Variants in ANKS1B observed in about 807,000 individuals in gnomAD.
ANKS1B encodes the protein ankyrin repeat and sterile alpha motif domain containing 1B, also known as ankyrin repeat and sterile alpha motif domain-containing protein 1B.
In ANKS1B, 36 loss-of-function variants were observed where a neutral mutation model predicts 148.3. The ratio of observed to expected loss-of-function variants is 0.24; its 90% CI spans 0.19 to 0.32. The LOEUF (loss-of-function observed/expected upper bound fraction) is 0.32. Ranked by LOEUF, ANKS1B falls within the 10% of genes least tolerant of loss-of-function variation. The probability of loss-of-function intolerance (pLI) is 1.00; values close to 1 mark genes in which losing one functional copy is unlikely to be tolerated. For missense variants in ANKS1B, 1,157 were observed against 1,542.6 expected, an observed-to-expected ratio of 0.75 and a Z score of 4.19; for synonymous variants, 542 against 560.8, an observed-to-expected ratio of 0.97 and a Z score of 0.47.
At chr12:98,961,411 G>C (rs1172288637) in intron 17 of ANKS1B, among the ~76,000 whole-genome samples, 1 of 152,074 alleles carries the variant, frequency 6.6e-6, no homozygotes, top group African/African-American at 2.4e-5. Context: ...ATATGAAGGA[G>C]AAATAATAAC....
chr12:98,933,606 C>A (rs766692605), intron 17 of ANKS1B, among the ~76,000 whole-genome samples: 1 of 152,002 alleles, frequency 6.6e-6, no homozygotes, highest in African/African-American at 2.4e-5. Context: ...TACCATTTTA[C>A]GTTCCCACCA....
chr12:99,492,967 G>T (rs1479313491), intron 10 of ANKS1B, among the ~76,000 whole-genome samples: 2 of 152,132 alleles, frequency 1.3e-5, no homozygotes, highest in African/African-American at 4.8e-5. Flanking sequence ...CATTCCCCTT[G>T]AAAACTGGCA....
intron 17 of ANKS1B, among the ~76,000 whole-genome samples, chr12:98,864,582 G>A (rs886670657): frequency 2.6e-5 from 4 of 152,190 alleles, no homozygotes; most frequent in African/African-American, 4.8e-5. Flanking sequence ...CCTCCCGCAA[G>A]CAGGAGGGAA....
intron 3 of ANKS1B, among the ~76,000 whole-genome samples, chr12:99,811,352 C>T (rs1470579463): frequency 1.3e-5 from 2 of 151,682 alleles, no homozygotes; most frequent in East Asian, 1.9e-4. Flanking sequence ...AGCTTAATGC[C>T]GTGATTGTAA....
At chr12:99,801,664 AAG>A (rs1419795300) in intron 4 of ANKS1B, among the ~76,000 whole-genome samples, 2 of 152,182 alleles carry the variant, frequency 1.3e-5, no homozygotes, top group Non-Finnish European at 2.9e-5. Flanking sequence ...ATGTGAGATC[AAG>A]AGAGTTTTTA....
Position 99,984,291 on chromosome 12 carries a change from C to T in ANKS1B, c.-54G>A. On this transcript the variant is annotated 5_prime_UTR_variant, in exon 1 of 27. Transcript: ENST00000683438. ...CTTGCCCCCCTCGGGTCCTCCTCCC[C>T]ACCCACCCCCACTCCCCAAAATCCA... 5 of 1,507,134 alleles carry T rather than the reference C, an allele frequency of 3.3e-6. No homozygotes were observed. The highest frequency in any genetic ancestry group is 4.5e-6 in the Non-Finnish European group (5 of 1,117,200). 93.4% of individuals were successfully genotyped at this position (1,507,134 alleles called of 1,614,324 possible).
chr12:99,770,062 C>T (rs2063045715), intron 8 of ANKS1B, among the ~76,000 whole-genome samples: 2 of 152,180 alleles, frequency 1.3e-5, no homozygotes, highest in Non-Finnish European at 2.9e-5. Flanking sequence ...CACAAGGTAG[C>T]ATACTATGAG....
intron 15 of ANKS1B, among the ~76,000 whole-genome samples, chr12:99,110,774 C>CT (rs78859280): frequency 0.089 from 13,586 of 151,892 alleles, 1,496 homozygotes; most frequent in African/African-American, 0.26. Flanking sequence ...TGAATTTGTA[C>CT]TTTTTTTTGT....
intron 9 of ANKS1B, among the ~76,000 whole-genome samples, chr12:99,639,359 C>T (rs2098277997): frequency 6.6e-6 from 1 of 152,124 alleles, no homozygotes; most frequent in Non-Finnish European, 1.5e-5. Flanking sequence ...AAGAAACTTG[C>T]CTTGTCTCAG....
chr12:99,130,254 T>A (rs1373832761), intron 15 of ANKS1B, among the ~76,000 whole-genome samples: 1 of 152,212 alleles, frequency 6.6e-6, no homozygotes, highest in Non-Finnish European at 1.5e-5. Flanking sequence ...TTGTGAAACA[T>A]GAAAGATGAG....
intron 9 of ANKS1B, among the ~76,000 whole-genome samples, chr12:99,560,180 T>C (rs971170674): frequency 2.0e-5 from 3 of 148,246 alleles, no homozygotes; most frequent in Admixed American, 2.0e-4. Context: ...AATTGATCTC[T>C]AATTGACTGT....
At chr12:99,917,698 T>C (rs1161497916) in intron 1 of ANKS1B, among the ~76,000 whole-genome samples, 4 of 152,234 alleles carry the variant, frequency 2.6e-5, no homozygotes, top group African/African-American at 4.8e-5. Context: ...TCACCTTTTA[T>C]GGCCATTCTA....
intron 15 of ANKS1B, among the ~76,000 whole-genome samples, chr12:99,146,280 G>T (rs904687546): frequency 5.3e-5 from 8 of 152,066 alleles, no homozygotes; most frequent in Non-Finnish European, 1.0e-4. Context: ...ATAGATAAAA[G>T]AACTGTGATG....
intron 22 of ANKS1B, among the ~76,000 whole-genome samples, chr12:98,791,297 ATTGGGCCACTGCACTCCAGC>A (rs2098847316): frequency 1.3e-5 from 2 of 150,782 alleles, no homozygotes; most frequent in African/African-American, 4.9e-5. Flanking sequence ...GTGAGCCAAG[ATTGGGCCACTGCACTCCAGC>A]CTGGGAGACA....
At chr12:98,916,369 C>T (rs149852511) in intron 17 of ANKS1B, among the ~76,000 whole-genome samples, 1 of 152,320 alleles carries the variant, frequency 6.6e-6, no homozygotes, top group East Asian at 1.9e-4. Context: ...TGAAGAGCTG[C>T]TCTCCATTCT....
intron 16 of ANKS1B, among the ~76,000 whole-genome samples, chr12:99,080,164 C>G (rs2049197812): frequency 6.6e-6 from 1 of 152,248 alleles, no homozygotes; most frequent in South Asian, 2.1e-4. Flanking sequence ...AAACCTTTCT[C>G]TCTACAAAAT....
At chr12:99,491,485 C>G (rs2152968177) in intron 10 of ANKS1B, among the ~76,000 whole-genome samples, 1 of 152,166 alleles carries the variant, frequency 6.6e-6, no homozygotes, top group Non-Finnish European at 1.5e-5. Context: ...TTTAATCACT[C>G]AAGTACTAAA....
intron 17 of ANKS1B, among the ~76,000 whole-genome samples, chr12:98,911,473 A>T (rs2099786763): frequency 1.3e-5 from 2 of 152,194 alleles, no homozygotes; most frequent in African/African-American, 4.8e-5. Context: ...GTGGTCCATT[A>T]GGGAGAGCAG....
At chr12:99,802,711 G>C (rs934883388) in intron 4 of ANKS1B, among the ~76,000 whole-genome samples, 1 of 151,894 alleles carries the variant, frequency 6.6e-6, no homozygotes, top group South Asian at 2.1e-4. Context: ...CCAGGAGTTC[G>C]AGACCAACCT....
Sources: allele counts gnomAD v4.1 joint callset (sites outside exome capture counted in the v4.1 genomes callset), GRCh38; gene constraint gnomAD v4.1.1; transcripts MANE v1.5; gene names NCBI Gene and HGNC (gene_info 2026-07-23, HGNC 2026-07-21).